RHNO1: variants seen among roughly 807,000 people sequenced by gnomAD.
The protein encoded by RHNO1 is RAD9, HUS1, RAD1-interacting nuclear orphan protein 1.
Under a neutral mutation model 7.2 loss-of-function variants are expected in RHNO1, and 9 were observed. The ratio of observed to expected loss-of-function variants is 1.25; its 90% CI spans 0.75 to 2.18. The LOEUF is 2.18. Among genes scored for constraint, RHNO1 ranks in the 30% most tolerant of loss-of-function variants. RHNO1 has a pLI of 0.00. For missense variants in RHNO1, 292 were observed against 284.5 expected (o/e 1.03, Z -0.19); for synonymous variants, 95 against 107.5 (o/e 0.88, Z 0.72).
At position 2,885,333 on chromosome 12, in the gene RHNO1, ATGTGGTTACTAAC is replaced by A; in HGVS notation, c.-30_-18del. ...CCCCAACCCGAAGGCTAACAGCATC[ATGTGGTTACTAAC>A]TGTTCCTCATTCACCGGTTGATGCC... On this transcript the variant is annotated 5_prime_UTR_variant, in exon 2 of 3. Coordinates refer to ENST00000489288, the MANE Select transcript of RHNO1 (RefSeq NM_001252499.3). 1 of 1,566,050 alleles carries A rather than the reference ATGTGGTTACTAAC, an allele frequency of 6.4e-7. No individual in the cohort carries two copies.
intron 2 of RHNO1, among the ~76,000 whole-genome samples, chr12:2,886,655 C>CAAAA (rs11441422): frequency 1.0e-5 from 1 of 95,350 alleles, no homozygotes; most frequent in Non-Finnish European, 2.1e-5. Context: ...GACCCTGTCT[C>CAAAA]AAAAAAAAAA....
intron 1 of RHNO1, among the ~76,000 whole-genome samples, chr12:2,883,074 A>AAAAAAAAACAAC (rs1565487833): frequency 6.9e-6 from 1 of 144,914 alleles, no homozygotes; most frequent in African/African-American, 2.6e-5. Context: ...CTCAAAAAAA[A>AAAAAAAAACAAC]AAAAAAAAAA....
At chr12:2,882,306 AAATAAAT>A in intron 1 of RHNO1, among the ~76,000 whole-genome samples, 2 of 148,170 alleles carry the variant, frequency 1.3e-5, no homozygotes, top group Non-Finnish European at 2.9e-5. Flanking sequence ...ATAAATAAAT[AAATAAAT>A]AAAACTTTAA....
intron 1 of RHNO1, among the ~76,000 whole-genome samples, chr12:2,879,904 C>T (rs748923196): frequency 4.3e-4 from 65 of 151,900 alleles, no homozygotes; most frequent in South Asian, 4.1e-4. Flanking sequence ...GATGTTGATA[C>T]GCATAGGTTT....
chr12:2,885,440 G>T lies in RHNO1; in HGVS notation c.74G>T (p.Gly25Val), dbSNP rs1298196930. 4 of 1,613,448 alleles carry T rather than the reference G, an allele frequency of 2.5e-6. No individual in the cohort carries two copies. The highest frequency in any genetic ancestry group is 4.5e-5 in the East Asian group (2 of 44,838). Residue 25 changes from glycine (G) to valine (V), a missense_variant, in exon 2 of 3, where the codon GGC (glycine) becomes GTC (valine). Transcript: ENST00000489288. Reference sequence around the variant, plus strand: ...CTGTTCCACCAACAACCACTGGAGGGCCCCAAACACAGCTGTGCATCTACA... The same window carrying T: ...CTGTTCCACCAACAACCACTGGAGGTCCCCAAACACAGCTGTGCATCTACA... Reference protein sequence around the residue: ...PLLFHQQPLEGPKHSCASTQL... With the variant: ...PLLFHQQPLEVPKHSCASTQL...
Position 2,885,358 on chromosome 12 carries a change from C to CA in RHNO1, c.-8dup. ...ATGTGGTTACTAACTGTTCCTCATTCACCGGTTGATGCCTCCCAGAAAAAA... is the reference window on the plus strand; with the variant it reads ...ATGTGGTTACTAACTGTTCCTCATTCAACCGGTTGATGCCTCCCAGAAAAAA... On this transcript the variant is annotated 5_prime_UTR_variant, in exon 2 of 3. Coordinates refer to ENST00000489288, the MANE Select transcript of RHNO1 (RefSeq NM_001252499.3). 1 of 1,611,498 alleles carries CA rather than the reference C, an allele frequency of 6.2e-7. No homozygotes were observed. The highest frequency in any genetic ancestry group is 8.5e-7 in the Non-Finnish European group (1 of 1,178,856).
At chr12:2,878,854 T>C (rs1288912318) in intron 1 of RHNO1, among the ~76,000 whole-genome samples, 1 of 151,954 alleles carries the variant, frequency 6.6e-6, no homozygotes, top group Non-Finnish European at 1.5e-5. Flanking sequence ...CACTATTCCC[T>C]GACCAAGGGC....
At position 2,885,396 on chromosome 12, in the gene RHNO1, T is replaced by C. The variant is rs371402573; in HGVS notation, c.30T>C (p.Pro10=). The change falls in exon 2 of 3, where the codon CCT becomes CCC. Residue 10 remains proline (P), a synonymous_variant. Transcript: ENST00000489288. MPPRKKRRQ[P]SQKAPLLFHQ... ...CTCCCAGAAAAAAACGCCGCCAGCC[T>C]TCCCAGAAAGCCCCGCTGCTGTTCC... 28 of 1,613,584 alleles carry C rather than the reference T, an allele frequency of 1.7e-5. No individual in the cohort carries two copies. The African/African-American group carries it at 2.8e-4, about 16-fold the overall frequency.
chr12:2,883,476 AATATATATATATATATATAT>A (rs575732965), intron 1 of RHNO1, among the ~76,000 whole-genome samples: 8 of 39,814 alleles, frequency 2.0e-4, no homozygotes, highest in Non-Finnish European at 3.8e-4. Flanking sequence ...GGAAGGATAG[AATATATATATATATATATAT>A]ATATATATAT....
intron 1 of RHNO1, among the ~76,000 whole-genome samples, chr12:2,883,562 G>T (rs2098161796): frequency 2.3e-5 from 3 of 128,790 alleles, no homozygotes; most frequent in Admixed American, 9.1e-5. Context: ...TTGTTGCCCA[G>T]GCTGGAGTGC....
rs2098168019 is a variant in RHNO1, at chr12:2,888,280, C to G, written c.538C>G (p.Leu180Val). The G allele has an allele frequency of 6.2e-7, 1 of 1,614,042 alleles. No homozygotes were observed. The highest frequency in any genetic ancestry group is 1.7e-5 in the Admixed American group (1 of 60,000). The change falls in exon 3 of 3, where the codon CTA (leucine) becomes GTA (valine). Residue 180 changes from leucine to valine, a missense_variant. Physicochemically the swap from Leu to Val is conservative, Grantham distance 32. Transcript: ENST00000489288. Reference protein sequence around the residue: ...IPQDQKENSLLSCTLHTGTPN... With the variant: ...IPQDQKENSLVSCTLHTGTPN... The stretch of plus-strand genomic sequence containing the variant: ...CCAAGATCAGAAGGAAAACAGCCTT[C>G]TAAGCTGCACTCTTCACACTGGCAC...
intron 1 of RHNO1, among the ~76,000 whole-genome samples, chr12:2,881,689 G>A (rs2153944697): frequency 6.6e-6 from 1 of 151,172 alleles, no homozygotes. Context: ...GGTGGATCAC[G>A]AGGTCAGGAG....
rs551274265 is a variant in RHNO1, at chr12:2,884,436, A to G, written c.-84-847A>G. On this transcript the variant is annotated intron_variant, in intron 1 of 2. Transcript: ENST00000489288. ...GAGGTGGGATTTTGCCATGTTGGCC[A>G]GGCTGGCCTTGAACTCCTGGCCTAA... Among the ~76,000 whole-genome samples, 26 of 152,362 alleles carry G rather than the reference A, an allele frequency of 1.7e-4. No homozygotes were observed. In the South Asian group the frequency reaches 5.2e-3, roughly 30 times the overall value.
chr12:2,887,160 C>T (rs913883524), intron 2 of RHNO1: 11 of 311,450 alleles, frequency 3.5e-5, no homozygotes, highest in South Asian at 5.5e-5. Flanking sequence ...CTGGCCAACA[C>T]GGTGAAACTC....
intron 2 of RHNO1, among the ~76,000 whole-genome samples, chr12:2,886,643 G>A (rs1026022455): frequency 6.8e-5 from 9 of 133,174 alleles, no homozygotes; most frequent in African/African-American, 2.0e-4. Context: ...GCAACAGTGT[G>A]AGACCCTGTC....
At chr12:2,883,507 A>ATATATATATATATATATATATATATATT (rs2098161429) in intron 1 of RHNO1, among the ~76,000 whole-genome samples, 1 of 26,236 alleles carries the variant, frequency 3.8e-5, no homozygotes, top group African/African-American at 2.3e-4. Flanking sequence ...ATATATATAT[A>ATATATATATATATATATATATATATATT]TATATTTTTT....
At chr12:2,883,312 G>T (rs886553748) in intron 1 of RHNO1, among the ~76,000 whole-genome samples, 1 of 150,380 alleles carries the variant, frequency 6.6e-6, no homozygotes, top group African/African-American at 2.4e-5. Context: ...GGAGGTCAAG[G>T]CTGTGGTGAG....
intron 1 of RHNO1, among the ~76,000 whole-genome samples, chr12:2,883,496 TA>T (rs1565488163): frequency 6.6e-3 from 141 of 21,274 alleles, no homozygotes; most frequent in Non-Finnish European, 9.6e-3. Context: ...TATATATATA[TA>T]TATATATATA....
intron 1 of RHNO1, among the ~76,000 whole-genome samples, chr12:2,882,763 A>C (rs2098159698): frequency 6.6e-6 from 1 of 152,182 alleles, no homozygotes; most frequent in Non-Finnish European, 1.5e-5. Flanking sequence ...CTGTTATTTT[A>C]GACATAGTTA....
Sources: allele counts gnomAD v4.1 joint callset (sites outside exome capture counted in the v4.1 genomes callset), GRCh38; gene constraint gnomAD v4.1.1; transcripts MANE v1.5; gene names NCBI Gene and HGNC (gene_info 2026-07-23, HGNC 2026-07-21).